The following PCDHA1 variants were observed in gnomAD, a reference collection of about 807,000 sequenced individuals.
The protein encoded by PCDHA1 is protocadherin alpha 1, also known as protocadherin alpha-1.
A neutral mutation model predicts 61.3 loss-of-function variants in PCDHA1; 42 were observed. The ratio of observed to expected loss-of-function variants is 0.69; its 90% confidence interval spans 0.54 to 0.89. PCDHA1 has a LOEUF of 0.89. Among genes scored for constraint, PCDHA1 ranks in the 40% least tolerant of loss-of-function variants. The pLI, the probability that PCDHA1 is intolerant of heterozygous loss-of-function variation, is 0.00. For synonymous variants in PCDHA1, 610 were observed against 553.8 expected, an observed-to-expected ratio of 1.10 and a Z score of -1.43; for missense variants, 1,256 against 1,235.3, an observed-to-expected ratio of 1.02 and a Z score of -0.25.
chr5:140,978,653 G>A (rs527551897), intron 1 of PCDHA1, among the ~76,000 whole-genome samples: 25 of 152,314 alleles, frequency 1.6e-4, no homozygotes, highest in African/African-American at 5.5e-4. Flanking sequence ...TGTTCTTCCC[G>A]TAGTGTTTTA....
rs2150358815 is a variant in PCDHA1 at position 140,843,384 on chromosome 5, G to A, written c.2394+54700G>A. The A allele has an allele frequency of 2.5e-6, 4 of 1,596,128 alleles. No individual in the cohort carries two copies. The Admixed American group carries it at 6.7e-5, about 27-fold the overall frequency. On this transcript the variant is annotated intron_variant, in intron 1 of 3. Coordinates refer to ENST00000504120, the MANE Select transcript of PCDHA1 (RefSeq NM_018900.4). ...TCGAGGCAGTCGGCTGGCGTTTTGG[G>A]TCCGGAAGCGGCGCTGGTGGATGTC...
At chr5:140,968,189 T>C (rs181004208) in intron 1 of PCDHA1, 2 of 1,614,034 alleles carry the variant, frequency 1.2e-6, no homozygotes, top group Middle Eastern at 1.6e-4. Flanking sequence ...GGACTCCTAT[T>C]CCATCTACAT....
At chr5:140,818,969 G>C (rs1766467642) in intron 1 of PCDHA1, among the ~76,000 whole-genome samples, 1 of 152,210 alleles carries the variant, frequency 6.6e-6, no homozygotes, top group Non-Finnish European at 1.5e-5. Flanking sequence ...TCAGGGATAT[G>C]TTAGAACTAT....
chr5:140,801,591 G>A (rs554968998), intron 1 of PCDHA1: 2 of 1,614,196 alleles, frequency 1.2e-6, no homozygotes, highest in African/African-American at 1.3e-5. Flanking sequence ...CAACGCGCCA[G>A]TTTTTCCAAT....
chr5:140,840,489 C>G (rs2150307286), intron 1 of PCDHA1, among the ~76,000 whole-genome samples: 3 of 151,924 alleles, frequency 2.0e-5, no homozygotes, highest in Non-Finnish European at 4.4e-5. Context: ...AGGCATAATT[C>G]TGGTAAATAC....
rs182605806 is a variant in PCDHA1 at position 140,924,980 on chromosome 5, T to C, written c.2395-53969T>C. On this transcript the variant is annotated intron_variant, in intron 1 of 3. Transcript: ENST00000504120. ...TGCAAGGTGAGTGCAGTGGCTCATG[T>C]CTGTAATCCTAGCACTTTAGGAGGC... is the stretch of plus-strand genomic sequence containing the variant. Among the ~76,000 whole-genome samples, 408 of 150,900 alleles carry C rather than the reference T, an allele frequency of 2.7e-3. 2 individuals are homozygous for C. The highest frequency in any genetic ancestry group is 0.014 in the Middle Eastern group (4 of 288).
chr5:141,010,697 C>T lies in PCDHA1; in HGVS notation c.*760C>T, dbSNP rs1163164861. The T allele has an allele frequency of 6.3e-6, 1 of 158,698 alleles. No homozygotes were observed. 9.8% of individuals were successfully genotyped at this position (158,698 alleles called of 1,614,324 possible). A position where few individuals can be genotyped will look rare whatever the true frequency, so the allele number is the denominator to read the frequency against. On this transcript the variant is annotated 3_prime_UTR_variant, in exon 4 of 4. Coordinates refer to ENST00000504120, the MANE Select transcript of PCDHA1 (RefSeq NM_018900.4). ...AACAGAAGCAGATCTGATGTGTTTCCTATACATGTCCTGTGCTCACTTTAT... is the reference window on the plus strand; with the variant it reads ...AACAGAAGCAGATCTGATGTGTTTCTTATACATGTCCTGTGCTCACTTTAT...
intron 2 of PCDHA1, among the ~76,000 whole-genome samples, chr5:140,980,402 T>G (rs1019891422): frequency 2.0e-5 from 3 of 152,020 alleles, no homozygotes; most frequent in African/African-American, 7.2e-5. Context: ...GAGGCCGAGG[T>G]GGGCAGATCA....
chr5:140,841,477 G>A (rs2150316212), intron 1 of PCDHA1: 10 of 1,612,988 alleles, frequency 6.2e-6, no homozygotes, highest in African/African-American at 4.0e-5. Flanking sequence ...CGCAGGACCT[G>A]GGGCTGGAGC....
At chr5:140,843,089 G>T in intron 1 of PCDHA1, 2 of 1,595,612 alleles carry the variant, frequency 1.3e-6, no homozygotes, top group Non-Finnish European at 1.7e-6. Flanking sequence ...CGCGGGCCAC[G>T]TGGTAGCGAA....
chr5:140,930,766 T>C (rs1476506441), intron 1 of PCDHA1, among the ~76,000 whole-genome samples: 1 of 152,240 alleles, frequency 6.6e-6, no homozygotes, highest in Admixed American at 6.5e-5. Context: ...AAATTTTCTG[T>C]ACTTAATATT....
At chr5:140,925,131 T>A (rs986113292) in intron 1 of PCDHA1, among the ~76,000 whole-genome samples, 5 of 150,904 alleles carry the variant, frequency 3.3e-5, no homozygotes, top group East Asian at 1.9e-4. Context: ...GGAAAAAAAA[T>A]TTCAAACATA....
intron 3 of PCDHA1, among the ~76,000 whole-genome samples, chr5:141,000,477 G>C (rs1191359491): frequency 1.5e-5 from 2 of 132,058 alleles, no homozygotes; most frequent in African/African-American, 5.8e-5. Context: ...GCCCAAGCTG[G>C]AGTGCAATGG....
intron 3 of PCDHA1, among the ~76,000 whole-genome samples, chr5:140,999,252 T>C (rs1474093411): frequency 1.3e-5 from 2 of 152,204 alleles, no homozygotes; most frequent in African/African-American, 4.8e-5. Flanking sequence ...GGGAGTTGGA[T>C]TAGTAAAGGA....
chr5:140,823,533 G>A (rs1472583465), intron 1 of PCDHA1: 10 of 1,613,648 alleles, frequency 6.2e-6, no homozygotes, highest in Middle Eastern at 1.7e-4. Flanking sequence ...CAGTGGGTGC[G>A]GGCCACGTGG....
chr5:141,002,841 G>T (rs2098098318), intron 3 of PCDHA1, among the ~76,000 whole-genome samples: 1 of 152,196 alleles, frequency 6.6e-6, no homozygotes, highest in African/African-American at 2.4e-5. Flanking sequence ...CCAGGACTAT[G>T]CACTAGTGAG....
At chr5:140,882,225 C>T (rs782533520) in intron 1 of PCDHA1, 9 of 1,559,344 alleles carry the variant, frequency 5.8e-6, no homozygotes, top group Middle Eastern at 1.7e-4. Flanking sequence ...TGAGGTAAGG[C>T]GTTGTATATA....
chr5:140,802,052 G>A (rs782437392), intron 1 of PCDHA1: 42 of 1,614,064 alleles, frequency 2.6e-5, no homozygotes, highest in Middle Eastern at 3.3e-4. Context: ...ATACGGACAT[G>A]TCAGCAGATA....
In PCDHA1 at chr5:140,835,824, G is replaced by A. The variant is rs2150245957; in HGVS notation, c.2394+47140G>A. 5 of 1,612,592 alleles carry A rather than the reference G, an allele frequency of 3.1e-6. No individual in the cohort carries two copies. The South Asian group carries it at 4.4e-5, about 14-fold the overall frequency. On this transcript the variant is annotated intron_variant, in intron 1 of 3. Transcript: ENST00000504120. ...CCACATCTTCACTGTGTCGGCGGGG[G>A]ACGCGGACGCGCAGAAGAACGCGCT...
Sources: gnomAD v4.1 joint callset for allele counts (sites outside exome capture counted in the v4.1 genomes callset) on GRCh38, gnomAD v4.1.1 for gene constraint, MANE v1.5 for transcripts, NCBI Gene and HGNC (gene_info 2026-07-23, HGNC 2026-07-21) for gene names.